Variants in CACNA1C observed in about 807,000 individuals in gnomAD.
The protein encoded by CACNA1C is calcium voltage-gated channel subunit alpha1 C, also known as voltage-dependent L-type calcium channel subunit alpha-1C.
CACNA1C carries 30 observed loss-of-function variants against 229.0 expected under a neutral mutation model. The ratio of observed to expected loss-of-function variants is 0.13; its 90% confidence interval spans 0.10 to 0.18. The LOEUF (loss-of-function observed/expected upper bound fraction) is 0.18. Ranked by LOEUF, CACNA1C falls within the 10% of genes least tolerant of loss-of-function variation. The probability of loss-of-function intolerance (pLI) is 1.00; values close to 1 mark genes in which losing one functional copy is unlikely to be tolerated. For missense variants in CACNA1C, 1,658 were observed against 2,845.0 expected, an observed-to-expected ratio of 0.58 and a Z score of 9.49; for synonymous variants, 1,114 against 1,132.5, an observed-to-expected ratio of 0.98 and a Z score of 0.33.
chr12:2,567,907 G>A (rs2052066087), intron 13 of CACNA1C, 113 bp downstream of exon 13: 2 of 621,938 alleles, frequency 3.2e-6, no homozygotes, highest in Non-Finnish European at 5.7e-6. Flanking sequence ...CTCAAAGGGT[G>A]TCTCTGAAGT....
rs115218988 is a variant in CACNA1C at position 2,472,657 on chromosome 12, T to A, written c.758-13447T>A. Among the ~76,000 whole-genome samples the A allele has an allele frequency of 7.1e-3, 1,084 of 152,356 alleles. 8 individuals carry two copies. The highest frequency in any genetic ancestry group is 0.024 in the African/African-American group (987 of 41,588). On this transcript the variant is annotated intron_variant, in intron 5 of 46. Transcript: ENST00000399655. Reference sequence around the variant, plus strand: ...ATATATAGCTGTTTTCAAATCGTTGTCTGCCAAGTCCAACATCTGAACAAT... The same window carrying A: ...ATATATAGCTGTTTTCAAATCGTTGACTGCCAAGTCCAACATCTGAACAAT...
Position 2,585,080 on chromosome 12 carries a change from GCTC to G in CACNA1C, c.2340-291_2340-289del, listed in dbSNP as rs1389446614. Among the ~76,000 whole-genome samples, 6 of 152,306 alleles carry G rather than the reference GCTC, an allele frequency of 3.9e-5. No homozygotes were observed. Among genetic ancestry groups the G allele is most frequent in the South Asian group, 2.1e-4 (1 of 4,826 alleles). ...ACACAGCTGCCGGGCACTGAGCAGA[GCTC>G]CTCCAGGAGCCAATCCTAGATGAGA... On this transcript the variant is annotated intron_variant, in intron 16 of 46. Transcript: ENST00000399655. This position sits in a 1 kb window ranked among gnomAD's most constrained non-coding sequence, Gnocchi z 4.1.
intron 3 of CACNA1C, among the ~76,000 whole-genome samples, chr12:2,266,998 C>A (rs1367896810): frequency 1.3e-5 from 2 of 152,210 alleles, no homozygotes; most frequent in African/African-American, 4.8e-5. Flanking sequence ...GAGCCAGGAC[C>A]TTTCTTCCTT....
intron 38 of CACNA1C, among the ~76,000 whole-genome samples, chr12:2,674,103 A>G (rs1307414924): frequency 6.6e-6 from 1 of 152,236 alleles, no homozygotes; most frequent in Non-Finnish European, 1.5e-5. Context: ...GTGACTGCCG[A>G]AGGAGGTCCA....
intron 3 of CACNA1C, among the ~76,000 whole-genome samples, chr12:2,381,127 T>G (rs2098233822): frequency 6.6e-6 from 1 of 152,150 alleles, no homozygotes; most frequent in African/African-American, 2.4e-5. Flanking sequence ...TTGTGGGAAG[T>G]CCCTCACTCC....
intron 3 of CACNA1C, among the ~76,000 whole-genome samples, chr12:2,405,520 G>C (rs1425641376): frequency 1.3e-5 from 2 of 152,086 alleles, no homozygotes; most frequent in Admixed American, 1.3e-4. Flanking sequence ...TTGCGTTTCT[G>C]TGGATTCGTT....
intron 8 of CACNA1C, among the ~76,000 whole-genome samples, chr12:2,507,171 T>C (rs1439474509): frequency 6.6e-6 from 1 of 152,250 alleles, no homozygotes; most frequent in Non-Finnish European, 1.5e-5. Context: ...CCTGGAGACC[T>C]TCGCCAGCCT....
intron 18 of CACNA1C, among the ~76,000 whole-genome samples, chr12:2,589,642 C>T (rs1461395050): frequency 3.4e-5 from 5 of 145,100 alleles, no homozygotes; most frequent in Non-Finnish European, 7.9e-5. Flanking sequence ...GCCACCAGAA[C>T]GTCTGAGCAG....
chr12:2,689,358 C>G lies in CACNA1C; in HGVS notation c.6117+579C>G, dbSNP rs977272097. ...GAGGATGACCAGGATGGCAAGGTTC[C>G]TAGAAACCATTTCCTAGGAGAACCG... On this transcript the variant is annotated intron_variant, in intron 46 of 46. Transcript: ENST00000399655. This position sits in a 1 kb window ranked among gnomAD's most constrained non-coding sequence, Gnocchi z 4.2. 1.3e-5 allele frequency among the ~76,000 whole-genome samples: 2 copies of G among 152,002 alleles called. No homozygotes were observed. Among genetic ancestry groups the G allele is most frequent in the Non-Finnish European group, 2.9e-5 (2 of 67,970 alleles).
At chr12:2,293,862 G>A (rs900154635) in intron 3 of CACNA1C, among the ~76,000 whole-genome samples, 1 of 152,192 alleles carries the variant, frequency 6.6e-6, no homozygotes, top group Non-Finnish European at 1.5e-5. Flanking sequence ...GTGACTAATA[G>A]ATAACAGCAG....
At chr12:2,453,764 G>T (rs1387960615) in intron 4 of CACNA1C, among the ~76,000 whole-genome samples, 1 of 152,110 alleles carries the variant, frequency 6.6e-6, no homozygotes, top group African/African-American at 2.4e-5. Context: ...CCGGATGCTG[G>T]TTTTCATCTT....
intron 34 of CACNA1C, among the ~76,000 whole-genome samples, chr12:2,662,615 TCA>T (rs1182632533): frequency 6.6e-6 from 1 of 152,222 alleles, no homozygotes; most frequent in East Asian, 1.9e-4. Context: ...ACAGGATTAT[TCA>T]CAGAGGCTGA....
chr12:2,515,481 G>A (rs1036880266), intron 9 of CACNA1C, among the ~76,000 whole-genome samples: 5 of 152,192 alleles, frequency 3.3e-5, no homozygotes, highest in Admixed American at 2.6e-4. Flanking sequence ...TTCAATTACC[G>A]TAATATCTTA....
chr12:2,648,219 T>C (rs891835996), intron 30 of CACNA1C, among the ~76,000 whole-genome samples: 8 of 152,174 alleles, frequency 5.3e-5, no homozygotes, highest in Non-Finnish European at 1.0e-4. Context: ...AATAATATTA[T>C]GAATGTGAGT....
chr12:2,687,080 G>T (rs979306981), intron 45 of CACNA1C, among the ~76,000 whole-genome samples: 4 of 152,190 alleles, frequency 2.6e-5, no homozygotes, highest in African/African-American at 9.7e-5. Flanking sequence ...TAGTACTTCA[G>T]CTCCAAAAAA....
chr12:2,369,875 T>G (rs2097814272), intron 3 of CACNA1C, among the ~76,000 whole-genome samples: 1 of 152,168 alleles, frequency 6.6e-6, no homozygotes, highest in Non-Finnish European at 1.5e-5. Flanking sequence ...AAGAAAAGAC[T>G]GAGATTCAAC....
upstream of CACNA1C, among the ~76,000 whole-genome samples, chr12:2,051,318 G>A (rs1293193237): frequency 6.6e-6 from 1 of 152,244 alleles, no homozygotes; most frequent in Admixed American, 6.5e-5. Flanking sequence ...TATCCCGAGT[G>A]AGGGGGACAG....
chr12:2,514,187 G>A (rs906524022), intron 9 of CACNA1C, among the ~76,000 whole-genome samples: 6 of 152,346 alleles, frequency 3.9e-5, no homozygotes, highest in East Asian at 3.9e-4. Flanking sequence ...AGAGGATGAT[G>A]AGAAGAGCTG....
intron 3 of CACNA1C, among the ~76,000 whole-genome samples, chr12:2,329,931 A>G (rs1294289380): frequency 6.6e-6 from 1 of 152,254 alleles, no homozygotes; most frequent in Non-Finnish European, 1.5e-5. Context: ...TTGCTGGAAC[A>G]GTTGAGCCCC....
Sources: allele counts gnomAD v4.1 joint callset (sites outside exome capture counted in the v4.1 genomes callset), GRCh38; gene constraint gnomAD v4.1.1; non-coding constraint Gnocchi (gnomAD v3.1); transcripts MANE v1.5; gene names NCBI Gene and HGNC (gene_info 2026-07-23, HGNC 2026-07-21).